The following TNS1 variants were observed in gnomAD, a reference collection of about 807,000 sequenced individuals.
TNS1 encodes the protein tensin-1.
A neutral mutation model predicts 168.6 loss-of-function variants in TNS1; 62 were observed. The ratio of observed to expected loss-of-function variants is 0.37; its 90% CI spans 0.30 to 0.45. The LOEUF is 0.45. Among genes scored for constraint, TNS1 ranks in the 20% least tolerant of loss-of-function variants. The probability of loss-of-function intolerance (pLI) is 1.00; values close to 1 mark genes in which losing one functional copy is unlikely to be tolerated. For synonymous variants in TNS1, 934 were observed against 933.2 expected, an observed-to-expected ratio of 1.00 and a Z score of -0.02; for missense variants, 2,240 against 2,339.4, an observed-to-expected ratio of 0.96 and a Z score of 0.88.
rs1343975658 is a variant in TNS1, at chr2:217,954,731, C to T, written c.186+24034G>A. On this transcript the variant is annotated intron_variant, in intron 3 of 32. Transcript: ENST00000682258. ...AGCCCTTCCTGCCCTGCCTGCACATCGTGCTGCTGACCTCTCCTTCCACCA... is the reference window on the plus strand; with the variant it reads ...AGCCCTTCCTGCCCTGCCTGCACATTGTGCTGCTGACCTCTCCTTCCACCA... Among the ~76,000 whole-genome samples the T allele has an allele frequency of 2.6e-5, 4 of 152,314 alleles. No homozygotes were observed. In the East Asian group the frequency reaches 7.7e-4, roughly 29 times the overall value.
chr2:218,031,296 T>C (rs996500837), intron 1 of TNS1, among the ~76,000 whole-genome samples: 3 of 143,552 alleles, frequency 2.1e-5, no homozygotes, highest in Non-Finnish European at 3.0e-5. Context: ...AGTGTGTGAG[T>C]GTGTCTTTGT....
chr2:217,986,152 C>A lies in TNS1; in HGVS notation c.148+4790G>T, dbSNP rs1958187423. Among the ~76,000 whole-genome samples, 1 of 152,214 alleles carries A rather than the reference C, an allele frequency of 6.6e-6. No individual in the cohort carries two copies. Among genetic ancestry groups the A allele is most frequent in the Admixed American group, 6.5e-5 (1 of 15,282 alleles). On this transcript the variant is annotated intron_variant, in intron 2 of 32. Coordinates refer to ENST00000682258, the MANE Select transcript of TNS1 (RefSeq NM_001387777.1). This position sits in a 1 kb window ranked among gnomAD's most constrained non-coding sequence, Gnocchi z 4.7. ...ATTAATAGCAAGCTAGGGCTAGAAA[C>A]CCAGGGTCTTCCCACCCTACCAGGC...
chr2:217,910,172 A>T (rs903945395), intron 4 of TNS1, among the ~76,000 whole-genome samples: 2 of 151,988 alleles, frequency 1.3e-5, no homozygotes, highest in Non-Finnish European at 1.5e-5. Context: ...TGCAAGAGAA[A>T]CTTTCTCCTC....
intron 15 of TNS1, 80 bp from the exon 16 acceptor site, chr2:217,885,244 G>A (rs780148746): frequency 3.2e-5 from 51 of 1,580,518 alleles, no homozygotes; most frequent in East Asian, 9.1e-5. Context: ...TATCAGCTCC[G>A]CTGACTGAGC....
At position 217,933,715 on chromosome 2, in the gene TNS1, C is replaced by A. The variant is rs150177888; in HGVS notation, c.187-13479G>T. Among the ~76,000 whole-genome samples the A allele has an allele frequency of 9.8e-3, 1,486 of 152,324 alleles. 8 individuals carry two copies. Among genetic ancestry groups the A allele is most frequent in the African/African-American group, 0.019 (797 of 41,568 alleles). The stretch of plus-strand genomic sequence containing the variant: ...TGCCCACTGCAGCCTTGGCAAGCAG[C>A]AAATTCTCCTCACACTTGCCTGTCC... On this transcript the variant is annotated intron_variant, in intron 3 of 32. Coordinates refer to ENST00000682258, the MANE Select transcript of TNS1 (RefSeq NM_001387777.1).
At chr2:217,804,843 T>G (rs1434808830) in intron 32 of TNS1, among the ~76,000 whole-genome samples, 1 of 152,036 alleles carries the variant, frequency 6.6e-6, no homozygotes, top group Non-Finnish European at 1.5e-5. Context: ...AAATCCCCTT[T>G]GAAGGGGTGC....
Position 217,821,852 on chromosome 2 carries a change from G to C in TNS1, c.3460C>G (p.Pro1154Ala). The C allele has an allele frequency of 1.3e-6, 2 of 1,584,898 alleles. No individual in the cohort carries two copies. Among genetic ancestry groups the C allele is most frequent in the South Asian group, 1.2e-5 (1 of 86,238 alleles). ...TCATGGCCATAGGCCTGGGTGGCTGGAGCACTAAAGCTCTTGGGCTCAGAG... is the reference window on the plus strand; with the variant it reads ...TCATGGCCATAGGCCTGGGTGGCTGCAGCACTAAAGCTCTTGGGCTCAGAG... ...QDSEPKSFSAPATQAYGHEIP... is the reference protein window; with the variant it reads ...QDSEPKSFSAAATQAYGHEIP... The change falls in exon 23 of 33, where the codon CCA (proline) becomes GCA (alanine). Residue 1154 changes from proline (P) to alanine (A), a missense_variant. Transcript: ENST00000682258.
In TNS1 at chr2:217,870,900, G is replaced by T. The variant is rs552383337; in HGVS notation, c.1429+9998C>A. Among the ~76,000 whole-genome samples, 4 of 152,268 alleles carry T rather than the reference G, an allele frequency of 2.6e-5. No homozygotes were observed. In the East Asian group the frequency reaches 7.7e-4, roughly 29 times the overall value. Reference sequence around the variant, plus strand: ...GGTGGCTGGCAGATACTGGGTCAGTGGTGTCATCTTTTTACCCGCAAGGTC... The same window carrying T: ...GGTGGCTGGCAGATACTGGGTCAGTTGTGTCATCTTTTTACCCGCAAGGTC... On this transcript the variant is annotated intron_variant, in intron 18 of 32. Coordinates refer to ENST00000682258, the MANE Select transcript of TNS1 (RefSeq NM_001387777.1).
chr2:217,851,375 A>G (rs938965002), intron 18 of TNS1, among the ~76,000 whole-genome samples: 1 of 151,390 alleles, frequency 6.6e-6, no homozygotes, highest in South Asian at 2.1e-4. Flanking sequence ...CACAGACCAC[A>G]GGCCAGCCAT....
intron 1 of TNS1, among the ~76,000 whole-genome samples, chr2:218,030,225 T>C (rs561554921): frequency 1.3e-5 from 2 of 152,296 alleles, no homozygotes; most frequent in African/African-American, 4.8e-5. Context: ...CTATAACAGG[T>C]CCCGGCTCTT....
At chr2:217,815,070 G>T in intron 24 of TNS1, 72 bp from the exon 25 acceptor site, 1 of 1,242,078 alleles carries the variant, frequency 8.1e-7, no homozygotes, top group Non-Finnish European at 1.2e-6. Flanking sequence ...CAAAGTCCTG[G>T]CCCCCAGTGC....
chr2:217,915,659 G>A (rs190520879), intron 4 of TNS1, among the ~76,000 whole-genome samples: 27 of 152,332 alleles, frequency 1.8e-4, no homozygotes, highest in African/African-American at 6.0e-4. Flanking sequence ...CTCAGGAGAA[G>A]CCCATCACCC....
Position 217,908,812 on chromosome 2 carries a change from T to TG in TNS1, c.229-1562dup, listed in dbSNP as rs140695735. 9.5e-3 allele frequency among the ~76,000 whole-genome samples: 1,445 copies of TG among 152,078 alleles called. 27 individuals carry two copies. The highest frequency in any genetic ancestry group is 0.033 in the African/African-American group (1,358 of 41,480). ...GACAACGGGGTCCAGGCACAGGGGT[T>TG]GGGGGGACAGGGGCCAACCCCTCCC... On this transcript the variant is annotated intron_variant, in intron 4 of 32. Coordinates refer to ENST00000682258, the MANE Select transcript of TNS1 (RefSeq NM_001387777.1).
In TNS1 at chr2:218,019,671, G is replaced by T. The variant is rs779966069; in HGVS notation, c.156+14149C>A. On this transcript the variant is annotated intron_variant, in intron 1 of 1. Coordinates refer to the TNS1 transcript ENST00000649572. ...TCAGAGCAGGGAGGCCCTGGGGAGA[G>T]ATTTCTGTTGATGAAAGGAAGAAGG... Among the ~76,000 whole-genome samples, 21 of 152,196 alleles carry T rather than the reference G, an allele frequency of 1.4e-4. 1 individual carries two copies. Among genetic ancestry groups the T allele is most frequent in the Non-Finnish European group, 2.9e-5 (2 of 68,034 alleles).
chr2:217,829,454 T>C (rs1461114072), intron 22 of TNS1, among the ~76,000 whole-genome samples: 1 of 152,142 alleles, frequency 6.6e-6, no homozygotes, highest in Non-Finnish European at 1.5e-5. Context: ...CTCTGAGAAA[T>C]GCCTGTGGAG....
chr2:217,998,527 G>T (rs1371697394), intron 1 of TNS1, among the ~76,000 whole-genome samples: 1 of 152,158 alleles, frequency 6.6e-6, no homozygotes, highest in African/African-American at 2.4e-5. Context: ...ATGGCCCTGG[G>T]CCTTGCTCTG....
rs78508782 is a variant in TNS1 at position 217,822,849 on chromosome 2, T to C, written c.3374-911A>G. Among the ~76,000 whole-genome samples, 4 of 152,186 alleles carry C rather than the reference T, an allele frequency of 2.6e-5. No homozygotes were observed. In the East Asian group the frequency reaches 7.7e-4, roughly 29 times the overall value. The stretch of plus-strand genomic sequence containing the variant: ...AGGCCAGCTCCCAAACGAACTCCGC[T>C]TGAAAGAGGAAGAAGCAACAGAACG... On this transcript the variant is annotated intron_variant, in intron 22 of 32. Transcript: ENST00000682258.
chr2:218,018,976 C>A (rs1373063810), intron 1 of TNS1, among the ~76,000 whole-genome samples: 1 of 151,912 alleles, frequency 6.6e-6, no homozygotes, highest in Non-Finnish European at 1.5e-5. Context: ...ACTCGGGAAG[C>A]TGAGGTAGGA....
chr2:218,012,882 G>A (rs1311412261), upstream of TNS1, among the ~76,000 whole-genome samples: 7 of 152,056 alleles, frequency 4.6e-5, no homozygotes, highest in Non-Finnish European at 1.0e-4. Flanking sequence ...AGAGTTGGGT[G>A]GGGGGTTCTA....
Sources: gnomAD v4.1 joint callset for allele counts (sites outside exome capture counted in the v4.1 genomes callset) on GRCh38, gnomAD v4.1.1 for gene constraint, Gnocchi (gnomAD v3.1) non-coding constraint, MANE v1.5 for transcripts, NCBI Gene and HGNC (gene_info 2026-07-23, HGNC 2026-07-21) for gene names.